PLS1: variants seen among roughly 807,000 people sequenced by gnomAD.
PLS1 encodes the protein plastin-1.
Under a neutral mutation model 73.7 loss-of-function variants are expected in PLS1, and 32 were observed. The observed-to-expected ratio is 0.43, with a 90% CI of 0.33 to 0.58. The LOEUF (loss-of-function observed/expected upper bound fraction) is 0.58. Ranked by LOEUF, PLS1 falls within the 20% of genes least tolerant of loss-of-function variation. The pLI is 0.04. For missense variants in PLS1, 633 were observed against 740.5 expected (o/e 0.85, Z 1.68); for synonymous variants, 217 against 261.3 (o/e 0.83, Z 1.63).
intron 1 of PLS1, among the ~76,000 whole-genome samples, chr3:142,612,121 A>C (rs1338357818): frequency 6.6e-6 from 1 of 152,238 alleles, no homozygotes; most frequent in Non-Finnish European, 1.5e-5. Context: ...TATTTTTCCT[A>C]AGAAACAAGT....
At chr3:142,706,480 G>C (rs2038465184) in intron 14 of PLS1, among the ~76,000 whole-genome samples, 1 of 152,178 alleles carries the variant, frequency 6.6e-6, no homozygotes, top group South Asian at 2.1e-4. Flanking sequence ...GGAGAAATAG[G>C]ACGGTTCCTA....
At position 142,713,646 on chromosome 3, in the gene PLS1, A is replaced by G. The variant is rs1302878327; in HGVS notation, c.*1639A>G. ...TTTCTCACAGAGTATATTTAATAAA[A>G]ATGCTGTGTATATAGAAATGTGTTT... is the stretch of plus-strand genomic sequence containing the variant. On this transcript the variant is annotated 3_prime_UTR_variant, in exon 16 of 16. Coordinates refer to ENST00000457734, the MANE Select transcript of PLS1 (RefSeq NM_001145319.2). 6.6e-6 allele frequency: 1 copy of G among 152,596 alleles called. No individual in the cohort carries two copies. The highest frequency in any genetic ancestry group is 1.5e-5 in the Non-Finnish European group (1 of 68,026). The allele number at this position is 152,596 out of a possible 1,614,324, so 9.5% of individuals were successfully genotyped here.
intron 8 of PLS1, among the ~76,000 whole-genome samples, chr3:142,684,733 ATC>A (rs1246049218): frequency 6.6e-6 from 1 of 152,182 alleles, no homozygotes; most frequent in African/African-American, 2.4e-5. Flanking sequence ...TAATAATTAT[ATC>A]TGTTTACTGG....
intron 12 of PLS1, among the ~76,000 whole-genome samples, chr3:142,701,611 G>T (rs1057059088): frequency 1.3e-5 from 2 of 152,028 alleles, no homozygotes; most frequent in African/African-American, 4.8e-5. Context: ...ACCAAATATT[G>T]CCCATAAAAG....
At chr3:142,622,025 A>G (rs1389571240) in intron 1 of PLS1, among the ~76,000 whole-genome samples, 1 of 152,170 alleles carries the variant, frequency 6.6e-6, no homozygotes, top group African/African-American at 2.4e-5. Context: ...GAGCTTTTGG[A>G]CACACAGGTC....
rs574984870 is a variant in PLS1 at position 142,701,531 on chromosome 3, C to A, written c.1372-2337C>A. Among the ~76,000 whole-genome samples the A allele has an allele frequency of 1.4e-4, 21 of 152,274 alleles. 1 individual carries two copies. The highest frequency in any genetic ancestry group is 4.1e-4 in the African/African-American group (17 of 41,554). ...CATACACATGGATTACCTCTAGGAA[C>A]CTAATTTCTCATTCTTTCTCTAGTT... On this transcript the variant is annotated intron_variant, in intron 12 of 15. Coordinates refer to ENST00000457734, the MANE Select transcript of PLS1 (RefSeq NM_001145319.2).
intron 14 of PLS1, among the ~76,000 whole-genome samples, chr3:142,711,278 A>C (rs2107980589): frequency 6.6e-6 from 1 of 152,270 alleles, no homozygotes; most frequent in Admixed American, 6.5e-5. Context: ...ATGTCCACAA[A>C]CCTTATTCAG....
intron 1 of PLS1, among the ~76,000 whole-genome samples, chr3:142,600,240 T>A (rs576819711): frequency 2.6e-5 from 4 of 152,236 alleles, no homozygotes; most frequent in African/African-American, 9.6e-5. Flanking sequence ...GGAGTGAGGC[T>A]GGGGTCCTAG....
chr3:142,691,573 A>G (rs2038087693), intron 10 of PLS1, among the ~76,000 whole-genome samples: 1 of 151,970 alleles, frequency 6.6e-6, no homozygotes, highest in Non-Finnish European at 1.5e-5. Flanking sequence ...TGCTTTTGGA[A>G]TTTTTCAGTG....
Position 142,684,070 on chromosome 3 carries a change from C to T in PLS1, c.644C>T (p.Ala215Val). The T allele has an allele frequency of 6.2e-7, 1 of 1,613,386 alleles. No individual in the cohort carries two copies. The highest frequency in any genetic ancestry group is 8.5e-7 in the Non-Finnish European group (1 of 1,179,458). The change falls in exon 7 of 16, where the codon GCA (alanine) becomes GTA (valine). Residue 215 changes from alanine to valine, a missense_variant. By Grantham distance (64) the Ala-to-Val change is moderately conservative (BLOSUM62 0). Transcript: ENST00000457734. ...GGTTGTACAGTGGTCAACATTGGTG[C>T]ATCAGATCTCAAAGAAGGAAAACCT... Reference protein sequence around the residue: ...AIGCTVVNIGASDLKEGKPHL... With the variant: ...AIGCTVVNIGVSDLKEGKPHL...
At chr3:142,707,826 G>C (rs78436057) in intron 14 of PLS1, among the ~76,000 whole-genome samples, 80 of 152,244 alleles carry the variant, frequency 5.3e-4, no homozygotes, top group African/African-American at 1.7e-3. Context: ...ATCAGCTAAG[G>C]GGGGAGTGTG....
chr3:142,680,803 A>T (rs2037837004), intron 6 of PLS1, among the ~76,000 whole-genome samples: 1 of 152,228 alleles, frequency 6.6e-6, no homozygotes, highest in Admixed American at 6.5e-5. Flanking sequence ...CTATGATTTT[A>T]TAGATGAGGA....
At chr3:142,696,137 T>A (rs918239780) in intron 11 of PLS1, among the ~76,000 whole-genome samples, 21 of 152,322 alleles carry the variant, frequency 1.4e-4, no homozygotes, top group Admixed American at 1.0e-3. Flanking sequence ...TTGCATTTTT[T>A]TGGACCATGA....
intron 12 of PLS1, among the ~76,000 whole-genome samples, chr3:142,702,796 G>A (rs2038357600): frequency 6.6e-6 from 1 of 152,066 alleles, no homozygotes; most frequent in Non-Finnish European, 1.5e-5. Context: ...GGTTGGGGAG[G>A]GTAAACAATT....
intron 1 of PLS1, among the ~76,000 whole-genome samples, chr3:142,659,228 C>T (rs367829327): frequency 5.9e-5 from 9 of 152,140 alleles, no homozygotes; most frequent in South Asian, 2.1e-4. Flanking sequence ...CTGGCTGACC[C>T]GAGTCAGGGG....
intron 2 of PLS1, among the ~76,000 whole-genome samples, chr3:142,667,840 G>A (rs2037511976): frequency 6.6e-6 from 1 of 152,212 alleles, no homozygotes. Flanking sequence ...AACTGGTCAT[G>A]TAATGAGATT....
intron 4 of PLS1, among the ~76,000 whole-genome samples, chr3:142,675,640 C>T (rs2037705398): frequency 6.6e-6 from 1 of 151,844 alleles, no homozygotes; most frequent in South Asian, 2.1e-4. Flanking sequence ...CCGTCTCAGC[C>T]TCCCAAAGTG....
intron 1 of PLS1, among the ~76,000 whole-genome samples, chr3:142,606,720 TA>T (rs1337573788): frequency 5.9e-5 from 9 of 152,220 alleles, no homozygotes; most frequent in African/African-American, 1.2e-4. Flanking sequence ...GCGTCTGGCT[TA>T]TTTCACTTAG....
At chr3:142,701,818 T>C (rs1316133629) in intron 12 of PLS1, among the ~76,000 whole-genome samples, 1 of 152,234 alleles carries the variant, frequency 6.6e-6, no homozygotes, top group Non-Finnish European at 1.5e-5. Flanking sequence ...TACTGCAGTT[T>C]GCTATAAAAT....
Sources: gnomAD v4.1 joint callset for allele counts (sites outside exome capture counted in the v4.1 genomes callset) on GRCh38, gnomAD v4.1.1 for gene constraint, MANE v1.5 for transcripts, NCBI Gene and HGNC (gene_info 2026-07-23, HGNC 2026-07-21) for gene names.